SLC30A8: variants seen among roughly 807,000 people sequenced by gnomAD.
SLC30A8 encodes the protein proton-coupled zinc antiporter SLC30A8.
A neutral mutation model predicts 36.9 loss-of-function variants in SLC30A8; 27 were observed. The ratio of observed to expected loss-of-function variants is 0.73; its 90% CI spans 0.54 to 1.01. The LOEUF is 1.01. Ranked by LOEUF, SLC30A8 falls within the 50% of genes least tolerant of loss-of-function variation. SLC30A8 has a pLI of 0.00. For synonymous variants in SLC30A8, 164 were observed against 172.4 expected (o/e 0.95, Z 0.38); for missense variants, 439 against 452.0 (o/e 0.97, Z 0.26).
In SLC30A8 at chr8:117,011,920, A is replaced by G. The variant is rs139869641; in HGVS notation, c.-265-27299A>G. On this transcript the variant is annotated intron_variant, in intron 1 of 10. Transcript: ENST00000427715. ...AATGTGAATTTTATTAATTCAGAAG[A>G]TTTTCTCATTCCATGCACTTGTTTC... Among the ~76,000 whole-genome samples, 34 of 152,242 alleles carry G rather than the reference A, an allele frequency of 2.2e-4. No homozygotes were observed. In the East Asian group the frequency reaches 3.7e-3, roughly 16 times the overall value.
chr8:117,085,928 A>G (rs1191571077), intron 2 of SLC30A8, among the ~76,000 whole-genome samples: 1 of 152,178 alleles, frequency 6.6e-6, no homozygotes, highest in Admixed American at 6.6e-5. Context: ...TGAAGAACAA[A>G]ATAATTCCAA....
intron 7 of SLC30A8, 47 bp from the exon 8 acceptor site, chr8:117,172,489 A>T (rs1201393091): frequency 6.2e-7 from 1 of 1,612,860 alleles, no homozygotes; most frequent in Admixed American, 1.7e-5. Context: ...GCAGTCGCCC[A>T]TGCGTGTGCA....
At chr8:117,006,537 A>G (rs1563744631) in intron 1 of SLC30A8, among the ~76,000 whole-genome samples, 1 of 152,116 alleles carries the variant, frequency 6.6e-6, no homozygotes, top group Admixed American at 6.5e-5. Context: ...TTCCATTCCT[A>G]TTCCTATTTC....
chr8:117,158,788 CTAT>C (rs1822632493), intron 4 of SLC30A8, among the ~76,000 whole-genome samples: 1 of 152,194 alleles, frequency 6.6e-6, no homozygotes, highest in African/African-American at 2.4e-5. Context: ...ATCCATCTAT[CTAT>C]CTAGTGATCT....
intron 6 of SLC30A8, among the ~76,000 whole-genome samples, chr8:117,164,560 T>TAAGA (rs1822965309): frequency 6.6e-6 from 1 of 151,906 alleles, no homozygotes; most frequent in Non-Finnish European, 1.5e-5. Flanking sequence ...GGTGACAGAG[T>TAAGA]AAGACCCTAC....
chr8:117,106,799 G>C (rs1261540925), intron 2 of SLC30A8, among the ~76,000 whole-genome samples: 1 of 152,142 alleles, frequency 6.6e-6, no homozygotes, highest in Non-Finnish European at 1.5e-5. Context: ...CATCTTCCCT[G>C]CTCCATGGCA....
chr8:117,160,016 T>C lies in SLC30A8; in HGVS notation c.573-1722T>C, dbSNP rs1418604055. ...CCTTCTTTGTGCAAGTAGATAGTTA[T>C]TTATGGATAAGAATGCTGAGTGACT... On this transcript the variant is annotated intron_variant, in intron 4 of 7. Coordinates refer to ENST00000456015, the MANE Select transcript of SLC30A8 (RefSeq NM_173851.3). Among the ~76,000 whole-genome samples, 3 of 152,362 alleles carry C rather than the reference T, an allele frequency of 2.0e-5. No homozygotes were observed. In the East Asian group the frequency reaches 5.8e-4, roughly 29 times the overall value.
intron 1 of SLC30A8, among the ~76,000 whole-genome samples, chr8:117,028,873 T>C (rs535474584): frequency 6.6e-6 from 1 of 152,182 alleles, no homozygotes; most frequent in South Asian, 2.1e-4. Flanking sequence ...TAAGGACAAA[T>C]TGAGGTGGCC....
chr8:117,061,005 A>T (rs1174691485), intron 2 of SLC30A8, among the ~76,000 whole-genome samples: 1 of 152,190 alleles, frequency 6.6e-6, no homozygotes, highest in Admixed American at 6.5e-5. Flanking sequence ...GTAAAGAATT[A>T]GAAGACTTCT....
At chr8:117,086,848 T>A (rs1196251218) in intron 2 of SLC30A8, among the ~76,000 whole-genome samples, 1 of 152,182 alleles carries the variant, frequency 6.6e-6, no homozygotes, top group Non-Finnish European at 1.5e-5. Context: ...TTGTGAGGAA[T>A]TAGAATCACT....
chr8:116,953,085 C>G (rs764514212), intron 1 of SLC30A8, among the ~76,000 whole-genome samples: 1 of 151,778 alleles, frequency 6.6e-6, no homozygotes, highest in African/African-American at 2.4e-5. Context: ...CCATGAGTAC[C>G]TAAAGTTTAG....
intron 1 of SLC30A8, among the ~76,000 whole-genome samples, chr8:117,036,639 T>G (rs773480448): frequency 8.5e-5 from 13 of 152,144 alleles, no homozygotes; most frequent in Non-Finnish European, 1.8e-4. Flanking sequence ...GAGGAGGAAC[T>G]GTCAAACACT....
At chr8:116,976,912 G>T (rs1172931537) in intron 1 of SLC30A8, among the ~76,000 whole-genome samples, 1 of 149,698 alleles carries the variant, frequency 6.7e-6, no homozygotes, top group African/African-American at 2.5e-5. Context: ...CACCTCCTGG[G>T]TTCAAGCGAT....
intron 1 of SLC30A8, among the ~76,000 whole-genome samples, chr8:117,036,780 G>C (rs1355820924): frequency 6.6e-6 from 1 of 152,206 alleles, no homozygotes; most frequent in African/African-American, 2.4e-5. Context: ...TGTGAGATGA[G>C]ATTTGGGTGG....
At chr8:117,148,917 T>C (rs1367983285) in intron 2 of SLC30A8, among the ~76,000 whole-genome samples, 2 of 152,244 alleles carry the variant, frequency 1.3e-5, no homozygotes, top group African/African-American at 4.8e-5. Context: ...ATTTGAATTA[T>C]TGTCAATTCT....
At chr8:117,126,572 A>G (rs1034859167) in intron 2 of SLC30A8, among the ~76,000 whole-genome samples, 1 of 151,736 alleles carries the variant, frequency 6.6e-6, no homozygotes, top group African/African-American at 2.4e-5. Context: ...CCATCCATCC[A>G]TCCATCCATC....
chr8:116,983,288 T>A, intron 1 of SLC30A8, among the ~76,000 whole-genome samples: 1 of 152,158 alleles, frequency 6.6e-6, no homozygotes, highest in Non-Finnish European at 1.5e-5. Flanking sequence ...CACCTTTTAT[T>A]TTTAATTGTA....
intron 2 of SLC30A8, chr8:117,128,361 A>G (rs1402455975): frequency 6.6e-6 from 1 of 152,056 alleles, no homozygotes; most frequent in East Asian, 1.9e-4. Flanking sequence ...TTGATGCTTC[A>G]TTACTGATGC....
At chr8:116,975,625 G>T (rs1814970575) in intron 1 of SLC30A8, among the ~76,000 whole-genome samples, 1 of 152,096 alleles carries the variant, frequency 6.6e-6, no homozygotes, top group Admixed American at 6.6e-5. Flanking sequence ...AGACTATCAT[G>T]TGTGTTAACT....
Sources: allele counts gnomAD v4.1 joint callset (sites outside exome capture counted in the v4.1 genomes callset), GRCh38; gene constraint gnomAD v4.1.1; transcripts MANE v1.5; gene names NCBI Gene and HGNC (gene_info 2026-07-23, HGNC 2026-07-21).